Variants in APPL2 observed in about 807,000 individuals in gnomAD.
The protein encoded by APPL2 is DCC-interacting protein 13-beta.
Under a neutral mutation model 92.7 loss-of-function variants are expected in APPL2, and 84 were observed. That is an observed-to-expected ratio of 0.91 (90% CI 0.76 to 1.09). The LOEUF is 1.09. APPL2 is among the 50% of genes least tolerant of loss of function. APPL2 has a pLI of 0.00. For missense variants in APPL2, 736 were observed against 824.5 expected (o/e 0.89, Z 1.31); for synonymous variants, 291 against 291.0 (o/e 1.00, Z 0.00).
intron 17 of APPL2, among the ~76,000 whole-genome samples, chr12:105,179,515 G>A (rs1414334322): frequency 6.6e-6 from 1 of 152,112 alleles, no homozygotes; most frequent in African/African-American, 2.4e-5. Context: ...GGGATTGCTG[G>A]GTCAAATGGT....
chr12:105,186,692 C>CAT (rs370327440), intron 17 of APPL2, among the ~76,000 whole-genome samples: 35 of 54,074 alleles, frequency 6.5e-4, no homozygotes, highest in East Asian at 8.9e-3. Flanking sequence ...ATATATATAT[C>CAT]ATATATCATA....
Position 105,173,879 on chromosome 12 carries a change from A to C in APPL2, c.*435T>G, listed in dbSNP as rs1885220286. The C allele has an allele frequency of 6.5e-6, 1 of 152,706 alleles. No homozygotes were observed. Among genetic ancestry groups the C allele is most frequent in the Non-Finnish European group, 1.5e-5 (1 of 68,444 alleles). 9.5% of individuals were successfully genotyped at this position (152,706 alleles called of 1,614,324 possible). On this transcript the variant is annotated 3_prime_UTR_variant, in exon 21 of 21. Coordinates refer to ENST00000258530, the MANE Select transcript of APPL2 (RefSeq NM_018171.5). ...ATACACAATTTTCAGAACGACAGGC[A>C]CTTAAAGCTCATTAAGTAAAATACA... is the stretch of plus-strand genomic sequence containing the variant.
At chr12:105,212,358 A>C (rs1192280009) in intron 4 of APPL2, among the ~76,000 whole-genome samples, 3 of 152,164 alleles carry the variant, frequency 2.0e-5, no homozygotes, top group Admixed American at 1.3e-4. Flanking sequence ...ATTTTTGAGT[A>C]CTTTTTGCAT....
intron 7 of APPL2, 35 bp from the exon 8 acceptor site, chr12:105,207,242 CTACTGTACG>C (rs1187282787): frequency 6.3e-7 from 1 of 1,596,814 alleles, no homozygotes. Flanking sequence ...TTCAAGTTGT[CTACTGTACG>C]TGACAATTCT....
At chr12:105,210,391 G>A (rs1249073033) in intron 5 of APPL2, among the ~76,000 whole-genome samples, 1 of 152,164 alleles carries the variant, frequency 6.6e-6, no homozygotes. Flanking sequence ...TTAGCATTCA[G>A]GTTTAGGCTT....
intron 1 of APPL2, chr12:105,233,329 C>T (rs753849260): frequency 5.2e-5 from 51 of 985,344 alleles, no homozygotes; most frequent in Non-Finnish European, 5.7e-5. Flanking sequence ...ATTTCTTAAT[C>T]CCTAAAATGT....
At chr12:105,233,114 A>G in intron 1 of APPL2, 1 of 985,480 alleles carries the variant, frequency 1.0e-6, no homozygotes, top group Non-Finnish European at 1.2e-6. Flanking sequence ...AAGCCCCTGA[A>G]GAAGTACAAG....
chr12:105,202,781 A>G (rs936333431), intron 9 of APPL2, among the ~76,000 whole-genome samples: 8 of 152,186 alleles, frequency 5.3e-5, no homozygotes, highest in Non-Finnish European at 1.2e-4. Flanking sequence ...GTAGGGGTAT[A>G]TGCTCTCAAC....
intron 17 of APPL2, among the ~76,000 whole-genome samples, chr12:105,185,882 C>T (rs1886563062): frequency 6.6e-6 from 1 of 152,040 alleles, no homozygotes; most frequent in Admixed American, 6.5e-5. Flanking sequence ...TATCTAGTCC[C>T]AGGACATTTT....
chr12:105,177,731 T>C (rs186548116), intron 17 of APPL2, among the ~76,000 whole-genome samples: 81 of 152,264 alleles, frequency 5.3e-4, no homozygotes, highest in African/African-American at 1.9e-3. Context: ...TCTTATCAAT[T>C]TGGGTAAAAG....
At chr12:105,186,630 A>ATATATGATATCGATATCATC in intron 17 of APPL2, among the ~76,000 whole-genome samples, 1 of 120,458 alleles carries the variant, frequency 8.3e-6, no homozygotes, top group Non-Finnish European at 1.7e-5. Flanking sequence ...TATATATCAT[A>ATATATGATATCGATATCATC]TATATCATAT....
Position 105,226,995 on chromosome 12 carries a change from C to T in APPL2, c.153+2130G>A, listed in dbSNP as rs144783015. Among the ~76,000 whole-genome samples, 553 of 152,000 alleles carry T rather than the reference C, an allele frequency of 3.6e-3. 2 individuals carry two copies. Among genetic ancestry groups the T allele is most frequent in the African/African-American group, 0.013 (521 of 41,438 alleles). On this transcript the variant is annotated intron_variant, in intron 2 of 20. Coordinates refer to ENST00000258530, the MANE Select transcript of APPL2 (RefSeq NM_018171.5). ...AATTAGCTGGGTGTGGTGGTGTGCA[C>T]CTGTAGTCCTAGCTACTTAGGAGGC... is the stretch of plus-strand genomic sequence containing the variant.
intron 8 of APPL2, among the ~76,000 whole-genome samples, chr12:105,205,145 T>C (rs999039449): frequency 6.6e-6 from 1 of 152,174 alleles, no homozygotes; most frequent in Non-Finnish European, 1.5e-5. Flanking sequence ...TAAACCCTGA[T>C]TGCCAAGGTC....
At chr12:105,176,704 T>C (rs1448324928) in intron 19 of APPL2, 172 bp downstream of exon 19, 1 of 810,248 alleles carries the variant, frequency 1.2e-6, no homozygotes, top group Non-Finnish European at 1.9e-6. Context: ...CACAGAGAAA[T>C]TTAAATCGAG....
intron 17 of APPL2, among the ~76,000 whole-genome samples, chr12:105,184,539 G>T (rs1332702642): frequency 6.6e-6 from 1 of 152,194 alleles, no homozygotes; most frequent in Non-Finnish European, 1.5e-5. Context: ...GCAGTTTGCT[G>T]AAGGTACACT....
At chr12:105,216,010 G>C (rs1889654649) in intron 4 of APPL2, among the ~76,000 whole-genome samples, 1 of 152,148 alleles carries the variant, frequency 6.6e-6, no homozygotes, top group South Asian at 2.1e-4. Context: ...CTGGGAAACA[G>C]AGCGAGACTC....
intron 2 of APPL2, among the ~76,000 whole-genome samples, chr12:105,227,519 C>T (rs1283083724): frequency 6.6e-6 from 1 of 152,238 alleles, no homozygotes; most frequent in Non-Finnish European, 1.5e-5. Flanking sequence ...TGCGCCTCTT[C>T]CTGTGTTCTC....
At chr12:105,206,241 G>A (rs1888690231) in intron 8 of APPL2, among the ~76,000 whole-genome samples, 1 of 152,182 alleles carries the variant, frequency 6.6e-6, no homozygotes, top group Admixed American at 6.5e-5. Flanking sequence ...AGTATTAGAT[G>A]TTCATATATC....
intron 17 of APPL2, among the ~76,000 whole-genome samples, chr12:105,187,799 A>G (rs1360956049): frequency 3.3e-5 from 5 of 152,186 alleles, no homozygotes; most frequent in Non-Finnish European, 7.3e-5. Context: ...ACAGTATCAT[A>G]CACCCATGTT....
Sources: allele counts gnomAD v4.1 joint callset (sites outside exome capture counted in the v4.1 genomes callset), GRCh38; gene constraint gnomAD v4.1.1; transcripts MANE v1.5; gene names NCBI Gene and HGNC (gene_info 2026-07-23, HGNC 2026-07-21).